RBP7: variants seen among roughly 807,000 people sequenced by gnomAD.
RBP7 encodes retinoid-binding protein 7.
Under a neutral mutation model 16.7 loss-of-function variants are expected in RBP7, and 13 were observed. The ratio of observed to expected loss-of-function variants is 0.78; its 90% CI spans 0.51 to 1.24. RBP7 has a LOEUF of 1.24. Ranked by LOEUF, RBP7 falls within the 50% of genes most tolerant of loss-of-function variation. The pLI is 0.00. For synonymous variants in RBP7, 54 were observed against 56.2 expected (o/e 0.96, Z 0.17); for missense variants, 145 against 159.5 (o/e 0.91, Z 0.49).
chr1:9,998,413 T>TCTTTCTTTCTTTCTTTCTTTC (rs1331526613), intron 1 of RBP7, among the ~76,000 whole-genome samples: 3 of 144,204 alleles, frequency 2.1e-5, no homozygotes, highest in African/African-American at 7.7e-5. Flanking sequence ...CTTTCTTTTT[T>TCTTTCTTTCTTTCTTTCTTTC]TTTTTTTTTT....
Position 9,997,300 on chromosome 1 carries a change from C to T in RBP7, c.42C>T (p.Ser14=). 6.2e-7 allele frequency: 1 copy of T among 1,611,498 alleles called. No homozygotes were observed. The highest frequency in any genetic ancestry group is 8.5e-7 in the Non-Finnish European group (1 of 1,179,170). The change falls in exon 1 of 4, where the codon AGC becomes AGT. Residue 14 remains serine, a synonymous_variant. Coordinates refer to ENST00000294435, the MANE Select transcript of RBP7 (RefSeq NM_052960.3). The surrounding 1 kb of genome is among the most constrained non-coding windows in gnomAD (Gnocchi z 5.9). ...DLSGTWTLLS[S]DNFEGYMLAL... The stretch of plus-strand genomic sequence containing the variant: ...GCGGTACTTGGACCCTGCTCAGCAG[C>T]GACAACTTCGAGGGCTACATGCTGG...
At chr1:10,003,467 A>AC (rs957117452) in intron 1 of RBP7, among the ~76,000 whole-genome samples, 3 of 151,904 alleles carry the variant, frequency 2.0e-5, no homozygotes, top group African/African-American at 7.3e-5. Context: ...CAAAAAAACC[A>AC]CCCCTTACTC....
In RBP7 at chr1:10,007,825, C is replaced by T. The variant is rs537667160; in HGVS notation, c.252+77C>T. On this transcript the variant is annotated intron_variant, in intron 2 of 3. Coordinates refer to ENST00000294435, the MANE Select transcript of RBP7 (RefSeq NM_052960.3). ...ACTTTGGGAGGCCAACGCAGGCGGACCACCTGAGGTCAGTAGTTTGAGACC... is the reference window on the plus strand; with the variant it reads ...ACTTTGGGAGGCCAACGCAGGCGGATCACCTGAGGTCAGTAGTTTGAGACC... 8.3e-6 allele frequency: 11 copies of T among 1,323,572 alleles called. No homozygotes were observed. In the African/African-American group the frequency reaches 1.3e-4, roughly 16 times the overall value. 82.0% of individuals were successfully genotyped at this position (1,323,572 alleles called of 1,614,324 possible).
intron 3 of RBP7, among the ~76,000 whole-genome samples, chr1:10,012,763 G>C (rs1273685433): frequency 6.6e-6 from 1 of 151,060 alleles, no homozygotes; most frequent in African/African-American, 2.5e-5. Context: ...GCGAAACCCC[G>C]TCTCTATTAA....
chr1:10,015,869 C>A lies in RBP7; in HGVS notation c.*37C>A. On this transcript the variant is annotated 3_prime_UTR_variant, in exon 4 of 4. Coordinates refer to ENST00000294435, the MANE Select transcript of RBP7 (RefSeq NM_052960.3). The stretch of plus-strand genomic sequence containing the variant: ...CAGCAGAGCCCACTTGTGGCTGCAG[C>A]TTTATGCCAAATTATATTGCAGACT... The A allele has an allele frequency of 6.3e-7, 1 of 1,595,172 alleles. No individual in the cohort carries two copies. Among genetic ancestry groups the A allele is most frequent in the Non-Finnish European group, 8.6e-7 (1 of 1,163,020 alleles).
In RBP7 at chr1:10,011,992, G is replaced by A. The variant is rs908255170; in HGVS notation, c.354+3718G>A. ...CAAGGTGGGTGGATCACTTGAGGTC[G>A]GGAGTTTGAGACCAGCCTGACCAAC... On this transcript the variant is annotated intron_variant, in intron 3 of 3. Transcript: ENST00000294435. Among the ~76,000 whole-genome samples the A allele has an allele frequency of 4.6e-5, 7 of 151,520 alleles. No homozygotes were observed. In the South Asian group the frequency reaches 6.2e-4, roughly 14 times the overall value.
intron 1 of RBP7, among the ~76,000 whole-genome samples, chr1:9,998,034 G>C (rs1166328654): frequency 6.6e-6 from 1 of 152,236 alleles, no homozygotes; most frequent in Non-Finnish European, 1.5e-5. Flanking sequence ...CCCTCATCGC[G>C]GTGCCAACGG....
In RBP7 at chr1:10,002,993, G is replaced by A. The variant is rs3013787; in HGVS notation, c.74-4577G>A. 9.0e-3 allele frequency among the ~76,000 whole-genome samples: 1,369 copies of A among 152,256 alleles called. 15 individuals are homozygous for A. The highest frequency in any genetic ancestry group is 0.03 in the African/African-American group (1,266 of 41,552). On this transcript the variant is annotated intron_variant, in intron 1 of 3. Transcript: ENST00000294435. ...TAACTAAAACAGGGATAGGATGGAA[G>A]CAGCTTTTCATAAAACACATAAAAC... is the stretch of plus-strand genomic sequence containing the variant.
intron 3 of RBP7, among the ~76,000 whole-genome samples, chr1:10,013,917 G>C (rs112237573): frequency 6.6e-6 from 1 of 152,216 alleles, no homozygotes; most frequent in East Asian, 1.9e-4. Flanking sequence ...TTGAGGCTAA[G>C]GTGAGCCATG....
intron 3 of RBP7, among the ~76,000 whole-genome samples, chr1:10,014,610 C>T (rs1183728274): frequency 1.3e-5 from 2 of 152,084 alleles, no homozygotes; most frequent in Non-Finnish European, 2.9e-5. Context: ...TGATCTAGAA[C>T]TCCTGATCTC....
chr1:10,000,894 C>T (rs1313442969), intron 1 of RBP7, among the ~76,000 whole-genome samples: 1 of 152,004 alleles, frequency 6.6e-6, no homozygotes, highest in Non-Finnish European at 1.5e-5. Context: ...CACCACCTCT[C>T]CTGGCTAATT....
chr1:9,998,501 G>A (rs1208832759), intron 1 of RBP7, among the ~76,000 whole-genome samples: 1 of 141,914 alleles, frequency 7.0e-6, no homozygotes, highest in Non-Finnish European at 1.5e-5. Context: ...TCCGCCTACC[G>A]GGTTCACGCC....
chr1:10,012,858 T>G (rs2101739882), intron 3 of RBP7, among the ~76,000 whole-genome samples: 1 of 135,706 alleles, frequency 7.4e-6, no homozygotes, highest in Middle Eastern at 4.5e-3. Context: ...CACTTGAACC[T>G]GGGAGGAGGA....
chr1:10,006,694 C>CG (rs1642448405), intron 1 of RBP7, among the ~76,000 whole-genome samples: 1 of 125,018 alleles, frequency 8.0e-6, no homozygotes, highest in Non-Finnish European at 1.6e-5. Flanking sequence ...GACTGTGTCT[C>CG]GGAAAAAAAA....
At chr1:10,001,862 T>G (rs1459540945) in intron 1 of RBP7, among the ~76,000 whole-genome samples, 3 of 151,266 alleles carry the variant, frequency 2.0e-5, no homozygotes, top group African/African-American at 7.3e-5. Context: ...AGAGTCTCCC[T>G]TTGTTGCCCA....
intron 1 of RBP7, among the ~76,000 whole-genome samples, chr1:10,005,568 G>GTTT (rs891785466): frequency 1.4e-5 from 2 of 143,520 alleles, no homozygotes; most frequent in Non-Finnish European, 1.5e-5. Context: ...TGTTGTTTGG[G>GTTT]TTTTTTTTTT....
intron 1 of RBP7, among the ~76,000 whole-genome samples, chr1:10,001,225 C>G (rs1323481593): frequency 6.6e-6 from 1 of 152,154 alleles, no homozygotes; most frequent in African/African-American, 2.4e-5. Context: ...CAGCTCCCAC[C>G]CGGGCTCTGG....
At position 10,008,230 on chromosome 1, in the gene RBP7, A is replaced by G. The variant is rs761639217; in HGVS notation, c.310A>G (p.Asn104Asp). Residue 104 changes from asparagine (N) to aspartate (D), a missense_variant, in exon 3 of 4, where the codon AAC becomes GAC. Physicochemically the swap from Asn to Asp is conservative, Grantham distance 23. Coordinates refer to ENST00000294435, the MANE Select transcript of RBP7 (RefSeq NM_052960.3). ...LTCIQKGEKK[N>D]RGWTHWIEGD... ...CTGTATCCAGAAGGGAGAAAAGAAG[A>G]ACAGAGGCTGGACCCATTGGATCGA... 8.1e-6 allele frequency: 13 copies of G among 1,613,448 alleles called. No individual in the cohort carries two copies. The South Asian group carries it at 1.4e-4, about 18-fold the overall frequency.
chr1:9,997,430 G>A lies in RBP7; in HGVS notation c.73+99G>A. ...GGGCCTGTAGGTACGTCCTCTGTCC[G>A]TGCCTCCGCCCTGCTGCGCCCACCG... On this transcript the variant is annotated intron_variant, in intron 1 of 3. Coordinates refer to ENST00000294435, the MANE Select transcript of RBP7 (RefSeq NM_052960.3). This position sits in a 1 kb window ranked among gnomAD's most constrained non-coding sequence, Gnocchi z 5.9. 1.7e-6 allele frequency: 2 copies of A among 1,175,156 alleles called. No homozygotes were observed. Among genetic ancestry groups the A allele is most frequent in the Non-Finnish European group, 2.5e-6 (2 of 807,232 alleles). 72.8% of individuals were successfully genotyped at this position (1,175,156 alleles called of 1,614,324 possible).
Sources: gnomAD v4.1 joint callset for allele counts (sites outside exome capture counted in the v4.1 genomes callset) on GRCh38, gnomAD v4.1.1 for gene constraint, Gnocchi (gnomAD v3.1) non-coding constraint, MANE v1.5 for transcripts, NCBI Gene and HGNC (gene_info 2026-07-23, HGNC 2026-07-21) for gene names.